EPHB1: variants seen among roughly 807,000 people sequenced by gnomAD.
EPHB1 encodes the protein EPH receptor B1.
A neutral mutation model predicts 94.4 loss-of-function variants in EPHB1; 30 were observed. The ratio of observed to expected loss-of-function variants is 0.32; its 90% CI spans 0.24 to 0.43. The LOEUF is 0.43. Among genes scored for constraint, EPHB1 ranks in the 20% least tolerant of loss-of-function variants. EPHB1 has a pLI of 1.00. For missense variants in EPHB1, 1,055 were observed against 1,308.3 expected (o/e 0.81, Z 2.99); for synonymous variants, 522 against 489.1 (o/e 1.07, Z -0.89).
At chr3:134,847,516 C>T (rs540211828) in intron 1 of EPHB1, among the ~76,000 whole-genome samples, 41 of 152,316 alleles carry the variant, frequency 2.7e-4, no homozygotes, top group African/African-American at 9.9e-4. Flanking sequence ...GACAGCCACA[C>T]ACAACACACC....
chr3:135,105,411 A>G (rs1939175613), intron 3 of EPHB1, among the ~76,000 whole-genome samples: 1 of 152,172 alleles, frequency 6.6e-6, no homozygotes, highest in Non-Finnish European at 1.5e-5. Context: ...TCAAAGGAGG[A>G]TGAGCCAGAG....
At chr3:135,049,028 C>T (rs1319639437) in intron 3 of EPHB1, among the ~76,000 whole-genome samples, 1 of 152,166 alleles carries the variant, frequency 6.6e-6, no homozygotes, top group Non-Finnish European at 1.5e-5. Context: ...CTTTGGCCAT[C>T]ACAGTCCACT....
intron 11 of EPHB1, among the ~76,000 whole-genome samples, chr3:135,200,515 G>A (rs1469765974): frequency 2.0e-5 from 3 of 152,178 alleles, no homozygotes; most frequent in South Asian, 2.1e-4. Context: ...ACCCAGAGAA[G>A]GTGCTTTACA....
intron 2 of EPHB1, among the ~76,000 whole-genome samples, chr3:134,945,205 C>T: frequency 6.6e-6 from 1 of 152,006 alleles, no homozygotes; most frequent in African/African-American, 2.4e-5. Flanking sequence ...TTTTTCCTCC[C>T]TTTTAAATTT....
At chr3:134,848,080 C>G (rs2108298589) in intron 1 of EPHB1, among the ~76,000 whole-genome samples, 1 of 152,298 alleles carries the variant, frequency 6.6e-6, no homozygotes, top group Middle Eastern at 3.4e-3. Flanking sequence ...CCACCCTAGC[C>G]CACATTCATA....
intron 15 of EPHB1, among the ~76,000 whole-genome samples, chr3:135,250,735 C>A (rs972199206): frequency 6.6e-6 from 1 of 152,078 alleles, no homozygotes; most frequent in African/African-American, 2.4e-5. Flanking sequence ...ACCGGGGGGA[C>A]TTCATGGGCT....
At chr3:134,850,624 A>G (rs371316328) in intron 1 of EPHB1, among the ~76,000 whole-genome samples, 1 of 152,246 alleles carries the variant, frequency 6.6e-6, no homozygotes, top group East Asian at 1.9e-4. Context: ...AGAAGGGGCT[A>G]TGGGTGAGTC....
At chr3:134,927,242 G>A (rs2038813027) in intron 2 of EPHB1, among the ~76,000 whole-genome samples, 1 of 152,210 alleles carries the variant, frequency 6.6e-6, no homozygotes, top group Admixed American at 6.5e-5. Context: ...TTGGGTCACA[G>A]GGCAGACAGT....
intron 1 of EPHB1, among the ~76,000 whole-genome samples, chr3:134,807,841 A>G (rs1321544774): frequency 1.3e-5 from 2 of 152,172 alleles, no homozygotes; most frequent in Non-Finnish European, 2.9e-5. Context: ...AGAACCTAGC[A>G]AGAGCCACAG....
At chr3:134,855,287 C>T (rs2037087402) in intron 1 of EPHB1, among the ~76,000 whole-genome samples, 1 of 152,154 alleles carries the variant, frequency 6.6e-6, no homozygotes, top group African/African-American at 2.4e-5. Context: ...AAGGCTGCAG[C>T]AAAAACCTAG....
intron 1 of EPHB1, among the ~76,000 whole-genome samples, chr3:134,925,247 G>T (rs1010892494): frequency 5.9e-5 from 9 of 152,174 alleles, no homozygotes; most frequent in African/African-American, 2.2e-4. Flanking sequence ...CTTTGACAAA[G>T]CTATGTGAGC....
chr3:135,234,266 G>C (rs529393547), intron 12 of EPHB1, among the ~76,000 whole-genome samples: 1 of 152,192 alleles, frequency 6.6e-6, no homozygotes, highest in African/African-American at 2.4e-5. Flanking sequence ...GGGGCAAAAA[G>C]CTGCCAGTCT....
chr3:135,099,366 T>G (rs1938945697), intron 3 of EPHB1, among the ~76,000 whole-genome samples: 1 of 152,102 alleles, frequency 6.6e-6, no homozygotes, highest in African/African-American at 2.4e-5. Context: ...GATGGAAGAA[T>G]GGACAGATGG....
intron 3 of EPHB1, among the ~76,000 whole-genome samples, chr3:134,999,503 C>T (rs981380333): frequency 3.5e-4 from 53 of 152,184 alleles, no homozygotes; most frequent in African/African-American, 1.3e-3. Flanking sequence ...AAGGAAAGTG[C>T]AGGTGACTTG....
At chr3:134,875,450 C>T (rs538400510) in intron 1 of EPHB1, among the ~76,000 whole-genome samples, 1 of 152,062 alleles carries the variant, frequency 6.6e-6, no homozygotes, top group Non-Finnish European at 1.5e-5. Context: ...AAGGCAGGAG[C>T]ACTTATGGAA....
chr3:134,854,318 A>C (rs1323091642), intron 1 of EPHB1, among the ~76,000 whole-genome samples: 1 of 152,098 alleles, frequency 6.6e-6, no homozygotes, highest in Non-Finnish European at 1.5e-5. Context: ...CAAGCCTGAA[A>C]GGAGCCGTTT....
chr3:135,257,355 CT>C (rs1933445817), intron 15 of EPHB1, among the ~76,000 whole-genome samples: 1 of 151,990 alleles, frequency 6.6e-6, no homozygotes, highest in Admixed American at 6.6e-5. Context: ...GTTTTATCTA[CT>C]TTTGGTCTTT....
chr3:134,926,625 G>T (rs1216794893), intron 2 of EPHB1, among the ~76,000 whole-genome samples: 4 of 152,202 alleles, frequency 2.6e-5, no homozygotes, highest in Admixed American at 6.5e-5. Flanking sequence ...ATGGAAGAGA[G>T]CATGGTGTGA....
At chr3:134,857,809 A>C (rs11714688) in intron 1 of EPHB1, among the ~76,000 whole-genome samples, 144,665 of 152,228 alleles carry the variant, frequency 0.95, 69,125 homozygotes, top group East Asian at 1. Context: ...ATAATGTGAA[A>C]CTCCATGCAG....
Sources: allele counts gnomAD v4.1 joint callset (sites outside exome capture counted in the v4.1 genomes callset), GRCh38; gene constraint gnomAD v4.1.1; transcripts MANE v1.5; gene names NCBI Gene and HGNC (gene_info 2026-07-23, HGNC 2026-07-21).